ASXL2: variants seen among roughly 807,000 people sequenced by gnomAD.
ASXL2 encodes putative Polycomb group protein ASXL2.
Under a neutral mutation model 122.0 loss-of-function variants are expected in ASXL2, and 23 were observed. The observed-to-expected ratio is 0.19, with a 90% CI of 0.14 to 0.27. The LOEUF is 0.27. Among genes scored for constraint, ASXL2 ranks in the 10% least tolerant of loss-of-function variants. The pLI is 1.00. For missense variants in ASXL2, 1,518 were observed against 1,713.8 expected (o/e 0.89, Z 2.02); for synonymous variants, 650 against 637.0 (o/e 1.02, Z -0.31).
At chr2:25,814,546 T>C (rs2149178472) in intron 3 of ASXL2, among the ~76,000 whole-genome samples, 1 of 152,330 alleles carries the variant, frequency 6.6e-6, no homozygotes, top group Non-Finnish European at 1.5e-5. Flanking sequence ...ATTTTTCTTG[T>C]CCATGCTCAA....
intron 1 of ASXL2, among the ~76,000 whole-genome samples, chr2:25,877,671 C>T (rs751066356): frequency 6.6e-6 from 1 of 152,216 alleles, no homozygotes; most frequent in Non-Finnish European, 1.5e-5. Flanking sequence ...CTCCGGGAGC[C>T]AGACAAACAG....
In ASXL2 at chr2:25,742,329, T is replaced by C; in HGVS notation, c.4008A>G (p.Ser1336=). The C allele has an allele frequency of 6.2e-7, 1 of 1,607,980 alleles. No individual in the cohort carries two copies. Among genetic ancestry groups the C allele is most frequent in the Non-Finnish European group, 8.5e-7 (1 of 1,179,308 alleles). ...CAGCAGAGTTATGGTCCATGTCAGATGAGGTGGAGACATTGATCATGCCTC... is the reference window on the plus strand; with the variant it reads ...CAGCAGAGTTATGGTCCATGTCAGACGAGGTGGAGACATTGATCATGCCTC... ...SYRGMINVST[S]SDMDHNSAVP... is the part of the protein sequence containing the mutation. Residue 1336 remains serine (S), a synonymous_variant, in exon 13 of 13, where the codon TCA becomes TCG. Coordinates refer to ENST00000435504, the MANE Select transcript of ASXL2 (RefSeq NM_018263.6).
chr2:25,874,494 C>A (rs2089995563), intron 1 of ASXL2, among the ~76,000 whole-genome samples: 4 of 151,828 alleles, frequency 2.6e-5, no homozygotes, highest in Admixed American at 1.3e-4. Context: ...GTCTCACACA[C>A]AAAAAAATTA....
chr2:25,867,201 T>C (rs1040111077), intron 1 of ASXL2, among the ~76,000 whole-genome samples: 5 of 151,954 alleles, frequency 3.3e-5, no homozygotes, highest in African/African-American at 1.2e-4. Context: ...CGCCTGGCAC[T>C]AATTTTTGTA....
chr2:25,867,103 C>G (rs978961705), intron 1 of ASXL2, among the ~76,000 whole-genome samples: 1 of 151,986 alleles, frequency 6.6e-6, no homozygotes, highest in Non-Finnish European at 1.5e-5. Flanking sequence ...TTTCTCCATG[C>G]TGGTCAGGCT....
In ASXL2 at chr2:25,755,224, GAAAC is replaced by G. The variant is rs150883854; in HGVS notation, c.1036+790_1036+793del. Among the ~76,000 whole-genome samples, 1,260 of 152,254 alleles carry G rather than the reference GAAAC, an allele frequency of 8.3e-3. 10 individuals are homozygous for G. Among genetic ancestry groups the G allele is most frequent in the African/African-American group, 0.03 (1,227 of 41,544 alleles). The stretch of plus-strand genomic sequence containing the variant: ...TATTAGAATCGTTTGGGAAAACTTT[GAAAC>G]AAACAAACAAAACCAATAAAGCTCT... On this transcript the variant is annotated intron_variant, in intron 10 of 12. Transcript: ENST00000435504.
chr2:25,849,079 A>ATATAT (rs1265031772), intron 1 of ASXL2, among the ~76,000 whole-genome samples: 19 of 136,636 alleles, frequency 1.4e-4, no homozygotes, highest in East Asian at 2.5e-4. Flanking sequence ...ATATATATGG[A>ATATAT]ATATTTATTT....
intron 5 of ASXL2, among the ~76,000 whole-genome samples, chr2:25,791,784 T>A (rs2149167461): frequency 6.6e-6 from 1 of 152,344 alleles, no homozygotes; most frequent in African/African-American, 2.4e-5. Context: ...TAACTTAGTA[T>A]CCCTTCTCTA....
At chr2:25,783,388 T>C (rs2088679217) in intron 5 of ASXL2, among the ~76,000 whole-genome samples, 1 of 151,608 alleles carries the variant, frequency 6.6e-6, no homozygotes, top group Admixed American at 6.6e-5. Context: ...ATTTATATAC[T>C]CATGGTTTTT....
intron 1 of ASXL2, among the ~76,000 whole-genome samples, chr2:25,875,444 T>C (rs2090002329): frequency 6.6e-6 from 1 of 152,090 alleles, no homozygotes; most frequent in African/African-American, 2.4e-5. Context: ...GCCACTGCAC[T>C]CCAGCCTGGA....
chr2:25,869,999 G>A (rs2089950530), intron 1 of ASXL2, among the ~76,000 whole-genome samples: 1 of 152,026 alleles, frequency 6.6e-6, no homozygotes, highest in Non-Finnish European at 1.5e-5. Context: ...CCACTTGGGA[G>A]GCTGAGGTGG....
intron 5 of ASXL2, among the ~76,000 whole-genome samples, chr2:25,789,073 T>C (rs1193347591): frequency 6.6e-6 from 1 of 152,164 alleles, no homozygotes; most frequent in South Asian, 2.1e-4. Flanking sequence ...TTTCCACATG[T>C]CCCCTCTCCC....
Position 25,738,800 on chromosome 2 carries a change from A to G in ASXL2, c.*3229T>C, listed in dbSNP as rs1174559662. 3 of 152,152 alleles carry G rather than the reference A, an allele frequency of 2.0e-5. No individual in the cohort carries two copies. In the South Asian group the frequency reaches 6.2e-4, roughly 32 times the overall value. 9.4% of individuals were successfully genotyped at this position (152,152 alleles called of 1,614,324 possible). A position where few individuals can be genotyped will look rare whatever the true frequency, so the allele number is the denominator to read the frequency against. ...CTGAGATAAGCTCTAAAACATGTAC[A>G]TCCGTATGCCTTCACAGCCCAATAA... On this transcript the variant is annotated 3_prime_UTR_variant, in exon 13 of 13. Coordinates refer to ENST00000435504, the MANE Select transcript of ASXL2 (RefSeq NM_018263.6).
chr2:25,813,788 C>A (rs979436791), intron 3 of ASXL2, among the ~76,000 whole-genome samples: 1 of 152,210 alleles, frequency 6.6e-6, no homozygotes, highest in Admixed American at 6.5e-5. Context: ...CAGTGGCTCA[C>A]GCCTGTAATC....
chr2:25,734,553 T>A lies in ASXL2; in HGVS notation c.*7476A>T, dbSNP rs1215476246. 1 of 152,242 alleles carries A rather than the reference T, an allele frequency of 6.6e-6. No individual in the cohort carries two copies. Among genetic ancestry groups the A allele is most frequent in the Non-Finnish European group, 1.5e-5 (1 of 68,036 alleles). The allele number at this position is 152,242 out of a possible 1,614,324, so 9.4% of individuals were successfully genotyped here. A position where few individuals can be genotyped will look rare whatever the true frequency, so the allele number is the denominator to read the frequency against. On this transcript the variant is annotated 3_prime_UTR_variant, in exon 13 of 13. Transcript: ENST00000435504. ...CCATAGGAAAGACATAAGCTTTGTG[T>A]AAAATAGTTCTAAAGTATCTTCAGA... is the stretch of plus-strand genomic sequence containing the variant.
chr2:25,782,410 G>A (rs540891869), intron 5 of ASXL2, among the ~76,000 whole-genome samples: 1 of 152,140 alleles, frequency 6.6e-6, no homozygotes, highest in East Asian at 1.9e-4. Context: ...GCCGGGCGTG[G>A]TGACATGCGC....
intron 1 of ASXL2, 44 bp downstream of exon 1, chr2:25,878,122 G>A (rs1171984207): frequency 1.2e-6 from 2 of 1,611,384 alleles, no homozygotes; most frequent in African/African-American, 1.3e-5. Context: ...GGCGACAAGG[G>A]AACAAAATCC....
chr2:25,789,527 A>C (rs1230745796), intron 5 of ASXL2, among the ~76,000 whole-genome samples: 1 of 152,110 alleles, frequency 6.6e-6, no homozygotes, highest in Non-Finnish European at 1.5e-5. Flanking sequence ...TCTGGTTGAT[A>C]GTTCATAGTA....
At chr2:25,811,685 A>G (rs1196159049) in intron 3 of ASXL2, among the ~76,000 whole-genome samples, 4 of 152,194 alleles carry the variant, frequency 2.6e-5, no homozygotes, top group Non-Finnish European at 5.9e-5. Context: ...CCCAAGCCAT[A>G]GTTAACAGTT....
Sources: allele counts gnomAD v4.1 joint callset (sites outside exome capture counted in the v4.1 genomes callset), GRCh38; gene constraint gnomAD v4.1.1; transcripts MANE v1.5; gene names NCBI Gene and HGNC (gene_info 2026-07-23, HGNC 2026-07-21).